The following TBCCD1 variants were observed in gnomAD, a reference collection of about 807,000 sequenced individuals.
TBCCD1 encodes the protein TBCC domain containing 1.
Under a neutral mutation model 53.4 loss-of-function variants are expected in TBCCD1, and 26 were observed. The ratio of observed to expected loss-of-function variants is 0.49; its 90% CI spans 0.36 to 0.68. The LOEUF (loss-of-function observed/expected upper bound fraction) is 0.68. Among genes scored for constraint, TBCCD1 ranks in the 30% least tolerant of loss-of-function variants. The pLI is 0.00. For missense variants in TBCCD1, 558 were observed against 669.5 expected (o/e 0.83, Z 1.84); for synonymous variants, 245 against 241.7 (o/e 1.01, Z -0.13).
At chr3:186,569,623 C>CTTT (rs370706242), upstream of TBCCD1, among the ~76,000 whole-genome samples, 20 of 134,022 alleles carry the variant, frequency 1.5e-4, no homozygotes, top group East Asian at 1.9e-3. Context: ...CGCGCCCGGG[C>CTTT]TTTTTTTTTT....
At chr3:186,554,222 AAC>A (rs1489998719) in intron 6 of TBCCD1, 30 bp downstream of exon 6, 1 of 1,601,820 alleles carries the variant, frequency 6.2e-7, no homozygotes, top group East Asian at 2.2e-5. Flanking sequence ...TTTCACAAAA[AAC>A]ACAAACTGTT....
chr3:186,568,905 G>GA (rs1315274828), upstream of TBCCD1, among the ~76,000 whole-genome samples: 34 of 135,362 alleles, frequency 2.5e-4, no homozygotes, highest in African/African-American at 7.7e-4. Context: ...TCTGTCTCAG[G>GA]AAAAAAAAAG....
chr3:186,558,381 C>T, intron 3 of TBCCD1, 36 bp downstream of exon 3: 3 of 1,584,570 alleles, frequency 1.9e-6, no homozygotes, highest in Non-Finnish European at 2.6e-6. Context: ...CACAAATTGT[C>T]CCTTTTAGAG....
At chr3:186,569,467 C>T (rs537252632), upstream of TBCCD1, among the ~76,000 whole-genome samples, 60 of 151,926 alleles carry the variant, frequency 3.9e-4, 1 homozygote, top group South Asian at 6.9e-3. Flanking sequence ...TACAGGCGCT[C>T]GCCACCACAC....
chr3:186,556,262 C>A, intron 4 of TBCCD1, 147 bp downstream of exon 4: 1 of 850,846 alleles, frequency 1.2e-6, no homozygotes, highest in Non-Finnish European at 1.7e-6. Context: ...AAGTCATGCA[C>A]AAAAGACAGA....
chr3:186,567,448 G>A (rs1714873511), upstream of TBCCD1: 1 of 152,026 alleles, frequency 6.6e-6, no homozygotes, highest in Non-Finnish European at 1.5e-5. Context: ...TGCGGCTCAA[G>A]CGTCTGAGAA....
In TBCCD1 at chr3:186,563,993, C is replaced by A; in HGVS notation, c.336+1G>T. 1 of 1,604,270 alleles carries A rather than the reference C, an allele frequency of 6.2e-7. No homozygotes were observed. The highest frequency in any genetic ancestry group is 8.5e-7 in the Non-Finnish European group (1 of 1,175,074). On this transcript the variant is annotated splice_donor_variant, in intron 2 of 7. Transcript: ENST00000338733. LOFTEE classifies it high-confidence loss of function. ...AAGTATACACACATATCAATCCGTACCTGATTTCTCTGCTTTTCAACTTCC... is the reference window on the plus strand; with the variant it reads ...AAGTATACACACATATCAATCCGTAACTGATTTCTCTGCTTTTCAACTTCC...
intron 4 of TBCCD1, among the ~76,000 whole-genome samples, 156 bp from the exon 5 acceptor site, chr3:186,555,240 G>T (rs143783675): frequency 1.4e-3 from 220 of 152,216 alleles, no homozygotes; most frequent in African/African-American, 5.0e-3. Flanking sequence ...AGAGGTATTT[G>T]CTATACTATT....
upstream of TBCCD1, among the ~76,000 whole-genome samples, chr3:186,569,897 G>A (rs753096045): frequency 1.3e-5 from 2 of 152,160 alleles, no homozygotes; most frequent in Non-Finnish European, 2.9e-5. Context: ...TAACTGCGAT[G>A]AGCAAAATCG....
chr3:186,567,280 C>G lies in TBCCD1; in HGVS notation c.-57G>C, dbSNP rs746328714. 4.6e-5 allele frequency: 7 copies of G among 152,776 alleles called. No homozygotes were observed. The highest frequency in any genetic ancestry group is 2.1e-4 in the South Asian group (1 of 4,858). 9.5% of individuals were successfully genotyped at this position (152,776 alleles called of 1,614,324 possible). ...GTGCGCGGTTACCTGCTAATGCAGG[C>G]GCCGCTCCGCCGCACTTCTCCGCGC... On this transcript the variant is annotated 5_prime_UTR_variant, in exon 1 of 8. Coordinates refer to ENST00000338733, the MANE Select transcript of TBCCD1 (RefSeq NM_018138.5).
In TBCCD1 at chr3:186,555,031, T is replaced by C. The variant is rs1714495492; in HGVS notation, c.913A>G (p.Arg305Gly). The change falls in exon 5 of 8, where the codon AGG becomes GGG. Residue 305 changes from arginine (R) to glycine (G), a missense_variant. Physicochemically the swap from Arg to Gly is moderately radical, Grantham distance 125 (BLOSUM62 -2). Coordinates refer to ENST00000338733, the MANE Select transcript of TBCCD1 (RefSeq NM_018138.5). ...CTCATCACTACCAGTCGGTGCATCCTAGGGGCCACATGAGTATTACAAGCA... is the reference window on the plus strand; with the variant it reads ...CTCATCACTACCAGTCGGTGCATCCCAGGGGCCACATGAGTATTACAAGCA... ...KIACNTHVAPRMHRLVVMSQV... is the reference protein window; with the variant it reads ...KIACNTHVAPGMHRLVVMSQV... 7 of 1,613,686 alleles carry C rather than the reference T, an allele frequency of 4.3e-6. No homozygotes were observed. The highest frequency in any genetic ancestry group is 5.9e-6 in the Non-Finnish European group (7 of 1,179,922).
At position 186,546,102 on chromosome 3, in the gene TBCCD1, G is replaced by A. The variant is rs1313315432; in HGVS notation, c.*875C>T. 1.3e-5 allele frequency: 2 copies of A among 152,140 alleles called. No individual in the cohort carries two copies. The allele number at this position is 152,140 out of a possible 1,614,324, so 9.4% of individuals were successfully genotyped here. The stretch of plus-strand genomic sequence containing the variant: ...TTTGTTTATTGAAAATTTGAAGCAG[G>A]AAGTGAAAAATAAAGATTTTTTTAA... On this transcript the variant is annotated 3_prime_UTR_variant, in exon 8 of 8. Transcript: ENST00000338733.
intron 6 of TBCCD1, among the ~76,000 whole-genome samples, chr3:186,552,491 A>G (rs896110660): frequency 6.6e-6 from 1 of 152,174 alleles, no homozygotes; most frequent in African/African-American, 2.4e-5. Context: ...CCAACCTCCA[A>G]AAAAATGTTG....
At chr3:186,547,928 A>C (rs908701257) in intron 7 of TBCCD1, among the ~76,000 whole-genome samples, 2 of 152,240 alleles carry the variant, frequency 1.3e-5, no homozygotes, top group Admixed American at 1.3e-4. Flanking sequence ...TAAGAAATGT[A>C]AATATTTAAA....
chr3:186,568,785 C>T (rs1158401534), upstream of TBCCD1, among the ~76,000 whole-genome samples: 1 of 152,000 alleles, frequency 6.6e-6, no homozygotes, highest in African/African-American at 2.4e-5. Context: ...CGCCTGTAGT[C>T]CCAGCTACTC....
chr3:186,554,196 T>C, intron 6 of TBCCD1, 58 bp downstream of exon 6: 1 of 1,592,886 alleles, frequency 6.3e-7, no homozygotes, highest in Non-Finnish European at 8.5e-7. Context: ...GCAGACTAAT[T>C]TGTTTCTCCA....
intron 2 of TBCCD1, among the ~76,000 whole-genome samples, chr3:186,562,366 A>G (rs1714712635): frequency 6.6e-6 from 1 of 152,176 alleles, no homozygotes; most frequent in Admixed American, 6.5e-5. Context: ...AAGAGAGAGA[A>G]ATCCTGCCAT....
intron 1 of TBCCD1, among the ~76,000 whole-genome samples, chr3:186,565,285 A>G (rs1187041878): frequency 2.0e-5 from 3 of 151,716 alleles, no homozygotes; most frequent in Admixed American, 1.3e-4. Flanking sequence ...TAATTTTTGT[A>G]TTTTTAGTAG....
intron 7 of TBCCD1, among the ~76,000 whole-genome samples, chr3:186,547,675 C>T (rs1014481806): frequency 1.3e-5 from 2 of 149,986 alleles, no homozygotes; most frequent in East Asian, 1.9e-4. Flanking sequence ...GGGGTGCTCT[C>T]GGCTCACTGC....
Sources: allele counts gnomAD v4.1 joint callset (sites outside exome capture counted in the v4.1 genomes callset), GRCh38; gene constraint gnomAD v4.1.1; transcripts MANE v1.5; gene names NCBI Gene and HGNC (gene_info 2026-07-23, HGNC 2026-07-21).